The following TXNDC16 variants were observed in gnomAD, a reference collection of about 807,000 sequenced individuals.
TXNDC16 encodes thioredoxin domain-containing protein 16.
A neutral mutation model predicts 85.6 loss-of-function variants in TXNDC16; 74 were observed. The ratio of observed to expected loss-of-function variants is 0.86; its 90% CI spans 0.72 to 1.05. TXNDC16 has a LOEUF of 1.05. TXNDC16 is among the 50% of genes least tolerant of loss of function. The pLI, the probability that TXNDC16 is intolerant of heterozygous loss-of-function variation, is 0.00. For synonymous variants in TXNDC16, 335 were observed against 326.5 expected, an observed-to-expected ratio of 1.03 and a Z score of -0.28; for missense variants, 959 against 947.0, an observed-to-expected ratio of 1.01 and a Z score of -0.17.
At chr14:52,480,579 A>G (rs2036121374) in intron 14 of TXNDC16, among the ~76,000 whole-genome samples, 1 of 152,182 alleles carries the variant, frequency 6.6e-6, no homozygotes, top group African/African-American at 2.4e-5. Flanking sequence ...AATGCTCAAC[A>G]ACACCAATGA....
chr14:52,495,935 G>A (rs556691234), intron 9 of TXNDC16, among the ~76,000 whole-genome samples: 9 of 151,934 alleles, frequency 5.9e-5, no homozygotes, highest in Admixed American at 1.3e-4. Flanking sequence ...TGAGGCAGGC[G>A]GATCACGAGG....
At position 52,439,304 on chromosome 14, in the gene TXNDC16, T is replaced by C; in HGVS notation, c.2094A>G (p.Ser698=). ...LPLLVLVNLH[S]GGQVFAFPSD... is the part of the protein sequence containing the mutation. The stretch of plus-strand genomic sequence containing the variant: ...AAGGAAATGCAAATACTTGGCCACC[T>C]GAATGCAGATTCACCAAAACAAGAA... The change falls in exon 20 of 21, where the codon TCA becomes TCG. Residue 698 remains serine, a synonymous_variant. Transcript: ENST00000281741. 1 of 1,614,090 alleles carries C rather than the reference T, an allele frequency of 6.2e-7. No individual in the cohort carries two copies. Among genetic ancestry groups the C allele is most frequent in the Non-Finnish European group, 8.5e-7 (1 of 1,180,006 alleles).
rs115352503 is a variant in TXNDC16 at position 52,437,932 on chromosome 14, C to T, written c.2194+1272G>A. ...GCAATAACAAATGCTGACAAGGATG[C>T]AGAGGAAAAGGAAGCCTTGTACACT... On this transcript the variant is annotated intron_variant, in intron 20 of 20. Coordinates refer to ENST00000281741, the MANE Select transcript of TXNDC16 (RefSeq NM_020784.3). Among the ~76,000 whole-genome samples the T allele has an allele frequency of 4.6e-3, 701 of 152,200 alleles. 5 individuals are homozygous for T. The highest frequency in any genetic ancestry group is 0.016 in the African/African-American group (671 of 41,520).
intron 6 of TXNDC16, among the ~76,000 whole-genome samples, chr14:52,520,742 A>G (rs1428511855): frequency 6.6e-6 from 1 of 152,154 alleles, no homozygotes. Flanking sequence ...TAAACTTCAA[A>G]AAATTTTGAA....
Position 52,432,129 on chromosome 14 carries a change from C to T in TXNDC16, c.*175G>A, listed in dbSNP as rs1304759819. ...TATCAAAATTATTTTGCCCTGCTCACTTTTACTTTGTTTAATGTAGTTACT... is the reference window on the plus strand; with the variant it reads ...TATCAAAATTATTTTGCCCTGCTCATTTTTACTTTGTTTAATGTAGTTACT... On this transcript the variant is annotated 3_prime_UTR_variant, in exon 21 of 21. Transcript: ENST00000281741. 4 of 529,066 alleles carry T rather than the reference C, an allele frequency of 7.6e-6. No homozygotes were observed. Among genetic ancestry groups the T allele is most frequent in the African/African-American group, 4.0e-5 (2 of 50,574 alleles). The allele number at this position is 529,066 out of a possible 1,614,324, so 32.8% of individuals were successfully genotyped here. A position where few individuals can be genotyped will look rare whatever the true frequency, so the allele number is the denominator to read the frequency against.
At chr14:52,437,496 G>T (rs117368415) in intron 20 of TXNDC16, among the ~76,000 whole-genome samples, 8 of 151,878 alleles carry the variant, frequency 5.3e-5, no homozygotes, top group South Asian at 2.1e-4. Context: ...TATTGGACTG[G>T]GCAAAGATTT....
At chr14:52,445,684 C>A (rs2035264838) in intron 18 of TXNDC16, among the ~76,000 whole-genome samples, 1 of 152,098 alleles carries the variant, frequency 6.6e-6, no homozygotes, top group African/African-American at 2.4e-5. Context: ...TTTTACTGTA[C>A]CTTTTCTATG....
At chr14:52,490,520 TAGA>T in intron 10 of TXNDC16, 69 bp from the exon 11 acceptor site, 1 of 1,175,494 alleles carries the variant, frequency 8.5e-7, no homozygotes, top group Non-Finnish European at 1.2e-6. Context: ...AGGACTTCAA[TAGA>T]AAATAGAACT....
intron 9 of TXNDC16, among the ~76,000 whole-genome samples, chr14:52,506,892 T>C (rs1223074925): frequency 2.0e-5 from 3 of 150,848 alleles, no homozygotes; most frequent in Admixed American, 6.6e-5. Flanking sequence ...CTCAACAACT[T>C]AGGTATTGAT....
At chr14:52,491,103 A>C (rs1314813949) in intron 9 of TXNDC16, 98 bp from the exon 10 acceptor site, 2 of 1,350,266 alleles carry the variant, frequency 1.5e-6, no homozygotes, top group South Asian at 1.5e-5. Context: ...ATGAGTAAAA[A>C]AAAGTGTAAA....
intron 9 of TXNDC16, among the ~76,000 whole-genome samples, chr14:52,501,084 A>G (rs140720613): frequency 2.9e-4 from 44 of 152,198 alleles, no homozygotes; most frequent in African/African-American, 1.0e-3. Context: ...ATCTAAAACA[A>G]CTCCATATCT....
At chr14:52,533,721 G>A (rs1447053024) in intron 6 of TXNDC16, among the ~76,000 whole-genome samples, 7 of 152,194 alleles carry the variant, frequency 4.6e-5, no homozygotes, top group African/African-American at 1.4e-4. Flanking sequence ...GGTGGATACA[G>A]TGCAGACACA....
At chr14:52,476,210 G>A (rs2036017159) in intron 14 of TXNDC16, among the ~76,000 whole-genome samples, 1 of 152,132 alleles carries the variant, frequency 6.6e-6, no homozygotes, top group Admixed American at 6.5e-5. Context: ...CCCTCTGACA[G>A]AGCCTACCCA....
chr14:52,546,904 T>C (rs1291285169), intron 1 of TXNDC16, among the ~76,000 whole-genome samples: 1 of 152,228 alleles, frequency 6.6e-6, no homozygotes, highest in African/African-American at 2.4e-5. Flanking sequence ...CCCACATTAA[T>C]AAGTTTGATA....
intron 1 of TXNDC16, among the ~76,000 whole-genome samples, chr14:52,551,342 T>C (rs1006068000): frequency 6.7e-6 from 1 of 148,874 alleles, no homozygotes; most frequent in East Asian, 2.0e-4. Flanking sequence ...CCGGGCATGG[T>C]GGCTCCAGTG....
intron 9 of TXNDC16, among the ~76,000 whole-genome samples, chr14:52,507,536 A>G (rs2036841140): frequency 1.3e-5 from 2 of 152,186 alleles, no homozygotes; most frequent in African/African-American, 4.8e-5. Flanking sequence ...GCTACCAATG[A>G]CTTTCTTCAC....
chr14:52,446,344 A>G (rs1001377918), intron 18 of TXNDC16, among the ~76,000 whole-genome samples: 3 of 152,214 alleles, frequency 2.0e-5, no homozygotes, highest in Middle Eastern at 6.3e-3. Context: ...GACTGAACTC[A>G]GTGCATGCTC....
rs374917667 is a variant in TXNDC16 at position 52,460,177 on chromosome 14, C to A, written c.1619-3003G>T. On this transcript the variant is annotated intron_variant, in intron 16 of 20. Coordinates refer to ENST00000281741, the MANE Select transcript of TXNDC16 (RefSeq NM_020784.3). The stretch of plus-strand genomic sequence containing the variant: ...ATAACGTGAGCTCAGGAGTTTGAGA[C>A]CAGCCTGGGTAACACGGCTAAACCC... Among the ~76,000 whole-genome samples, 50 of 152,200 alleles carry A rather than the reference C, an allele frequency of 3.3e-4. 1 individual carries two copies. The East Asian group carries it at 6.8e-3, about 21-fold the overall frequency.
chr14:52,495,445 A>T (rs1158266680), intron 9 of TXNDC16, among the ~76,000 whole-genome samples: 1 of 152,200 alleles, frequency 6.6e-6, no homozygotes, highest in African/African-American at 2.4e-5. Flanking sequence ...ATGAAGTCAT[A>T]TATCATCACC....
Sources: gnomAD v4.1 joint callset for allele counts (sites outside exome capture counted in the v4.1 genomes callset) on GRCh38, gnomAD v4.1.1 for gene constraint, MANE v1.5 for transcripts, NCBI Gene and HGNC (gene_info 2026-07-23, HGNC 2026-07-21) for gene names.